ASXL2: variants seen among roughly 807,000 people sequenced by gnomAD.
ASXL2 encodes the protein ASXL transcriptional regulator 2.
Under a neutral mutation model 122.0 loss-of-function variants are expected in ASXL2, and 23 were observed. That is an observed-to-expected ratio of 0.19 (90% CI 0.14 to 0.27). ASXL2 has a LOEUF of 0.27. Ranked by LOEUF, ASXL2 falls within the 10% of genes least tolerant of loss-of-function variation. The pLI is 1.00. For synonymous variants in ASXL2, 650 were observed against 637.0 expected (o/e 1.02, Z -0.31); for missense variants, 1,518 against 1,713.8 (o/e 0.89, Z 2.02).
intron 3 of ASXL2, among the ~76,000 whole-genome samples, chr2:25,811,329 A>T (rs1329761257): frequency 2.0e-5 from 3 of 151,968 alleles, no homozygotes; most frequent in Non-Finnish European, 2.9e-5. Flanking sequence ...TTTCCACAAA[A>T]GAGAAAAACC....
At chr2:25,766,531 C>G (rs1046609365) in intron 8 of ASXL2, among the ~76,000 whole-genome samples, 3 of 152,190 alleles carry the variant, frequency 2.0e-5, no homozygotes, top group African/African-American at 4.8e-5. Context: ...AAGATGATCT[C>G]TGCTTATCTG....
intron 2 of ASXL2, among the ~76,000 whole-genome samples, chr2:25,844,513 T>G (rs2089626812): frequency 2.0e-5 from 3 of 151,378 alleles, no homozygotes; most frequent in East Asian, 1.9e-4. Context: ...GGAGGCAGAG[T>G]TGCAGTGAGC....
chr2:25,875,476 A>C (rs1002789782), intron 1 of ASXL2, among the ~76,000 whole-genome samples: 12 of 151,976 alleles, frequency 7.9e-5, no homozygotes, highest in African/African-American at 2.4e-5. Flanking sequence ...AACGATTCTA[A>C]ATAAATAAAT....
chr2:25,742,017 T>C lies in ASXL2; in HGVS notation c.*12A>G. 3 of 1,604,990 alleles carry C rather than the reference T, an allele frequency of 1.9e-6. No homozygotes were observed. Among genetic ancestry groups the C allele is most frequent in the Non-Finnish European group, 2.6e-6 (3 of 1,174,352 alleles). ...TTCCCCCTCCTTTACAGTGTATCTC[T>C]TTCTAGTCTCATTACCGAACGACAA... On this transcript the variant is annotated 3_prime_UTR_variant, in exon 13 of 13. Transcript: ENST00000435504.
Position 25,739,809 on chromosome 2 carries a change from A to G in ASXL2, c.*2220T>C. 4.5e-6 allele frequency: 1 copy of G among 222,872 alleles called. No individual in the cohort carries two copies. The highest frequency in any genetic ancestry group is 2.2e-5 in the African/African-American group (1 of 44,848). The allele number at this position is 222,872 out of a possible 1,614,324, so 13.8% of individuals were successfully genotyped here. On this transcript the variant is annotated 3_prime_UTR_variant, in exon 13 of 13. Transcript: ENST00000435504. The stretch of plus-strand genomic sequence containing the variant: ...AAGGTAAAGCAGAAAAATCACTTTC[A>G]TCAATCCAAACTGGTAACTGACATT...
At chr2:25,827,573 GAAAT>G (rs1340779330) in intron 3 of ASXL2, among the ~76,000 whole-genome samples, 1 of 152,094 alleles carries the variant, frequency 6.6e-6, no homozygotes, top group Non-Finnish European at 1.5e-5. Context: ...TTTTTAAAAA[GAAAT>G]AATATAAATG....
At chr2:25,787,914 A>G (rs1278404768) in intron 5 of ASXL2, among the ~76,000 whole-genome samples, 2 of 152,194 alleles carry the variant, frequency 1.3e-5, no homozygotes, top group South Asian at 4.1e-4. Context: ...TCAGTCAGAA[A>G]AGCCAAGAAA....
intron 1 of ASXL2, among the ~76,000 whole-genome samples, chr2:25,858,938 C>T (rs920158154): frequency 5.3e-5 from 8 of 151,036 alleles, no homozygotes; most frequent in Non-Finnish European, 1.2e-4. Flanking sequence ...CTCAGCCTCC[C>T]GAGTAGCTGG....
chr2:25,878,386 C>CG lies in ASXL2; in HGVS notation c.-165dup, dbSNP rs537822959. 1.4e-3 allele frequency: 818 copies of CG among 602,734 alleles called. 11 individuals are homozygous for CG. Among genetic ancestry groups the CG allele is most frequent in the African/African-American group, 7.9e-3 (420 of 52,942 alleles). The allele number at this position is 602,734 out of a possible 1,614,324, so 37.3% of individuals were successfully genotyped here. On this transcript the variant is annotated 5_prime_UTR_variant, in exon 1 of 13. An upstream open reading frame in the 5' UTR loses its in-frame stop. Coordinates refer to ENST00000435504, the MANE Select transcript of ASXL2 (RefSeq NM_018263.6). ...CAGAGGAAGCGGCGGGGGTGGTGCG[C>CG]GGGGGGGTCTATGGGGCGGCCGGTC...
chr2:25,816,882 T>C lies in ASXL2; in HGVS notation c.144-10545A>G, dbSNP rs183895690. Among the ~76,000 whole-genome samples, 62 of 152,308 alleles carry C rather than the reference T, an allele frequency of 4.1e-4. No individual in the cohort carries two copies. The East Asian group carries it at 0.011, about 27-fold the overall frequency. On this transcript the variant is annotated intron_variant, in intron 3 of 12. Coordinates refer to ENST00000435504, the MANE Select transcript of ASXL2 (RefSeq NM_018263.6). ...GCTCACGCCTGTAATCCCAACACTT[T>C]GGGAGGCCGAGGTTGGCGGATCACC...
chr2:25,869,912 T>TA (rs35244304), intron 1 of ASXL2, among the ~76,000 whole-genome samples: 39,241 of 137,708 alleles, frequency 0.28, 5,409 homozygotes, highest in African/African-American at 0.32. Context: ...AATGAAATAC[T>TA]AAAAAAAAAA....
intron 5 of ASXL2, among the ~76,000 whole-genome samples, chr2:25,777,972 G>A (rs531112177): frequency 3.9e-5 from 6 of 152,134 alleles, no homozygotes; most frequent in South Asian, 2.1e-4. Context: ...CTTCATCTGC[G>A]TATTATGATG....
intron 6 of ASXL2, among the ~76,000 whole-genome samples, chr2:25,770,944 A>G (rs143930643): frequency 7.9e-5 from 12 of 151,468 alleles, no homozygotes; most frequent in African/African-American, 2.9e-4. Context: ...TGTGATAAAA[A>G]GAGTATCTAC....
chr2:25,829,127 C>A (rs2089417461), intron 3 of ASXL2, among the ~76,000 whole-genome samples: 1 of 152,064 alleles, frequency 6.6e-6, no homozygotes, highest in Non-Finnish European at 1.5e-5. Context: ...CCAGATGTGG[C>A]AGTGTACACC....
rs1385684555 is a variant in ASXL2 at position 25,733,848 on chromosome 2, T to C, written c.*8181A>G. ...ACATACATTCAACTTCGAAGAAGGTTGTTTTTATACGACCAATGAAACAGC... is the reference window on the plus strand; with the variant it reads ...ACATACATTCAACTTCGAAGAAGGTCGTTTTTATACGACCAATGAAACAGC... On this transcript the variant is annotated 3_prime_UTR_variant, in exon 13 of 13. Transcript: ENST00000435504. The C allele has an allele frequency of 2.6e-5, 4 of 152,236 alleles. No homozygotes were observed. Among genetic ancestry groups the C allele is most frequent in the Non-Finnish European group, 5.9e-5 (4 of 68,042 alleles). 9.4% of individuals were successfully genotyped at this position (152,236 alleles called of 1,614,324 possible).
rs1263144094 is a variant in ASXL2, at chr2:25,750,513, C to A, written c.1143-100G>T. 9.8e-6 allele frequency: 10 copies of A among 1,022,328 alleles called. No individual in the cohort carries two copies. In the Admixed American group the frequency reaches 2.4e-4, roughly 25 times the overall value. The allele number at this position is 1,022,328 out of a possible 1,614,324, so 63.3% of individuals were successfully genotyped here. A position where few individuals can be genotyped will look rare whatever the true frequency, so the allele number is the denominator to read the frequency against. ...TGGAAGATGACAATGCCTAGGAGAA[C>A]CCCTGACACAGCAGGTATTCATGTA... On this transcript the variant is annotated intron_variant, in intron 11 of 12. Transcript: ENST00000435504.
At chr2:25,815,204 A>T (rs2089218616) in intron 3 of ASXL2, among the ~76,000 whole-genome samples, 1 of 152,176 alleles carries the variant, frequency 6.6e-6, no homozygotes, top group African/African-American at 2.4e-5. Context: ...AAATTCATCC[A>T]TATCATAATG....
At chr2:25,788,375 C>T (rs943427133) in intron 5 of ASXL2, among the ~76,000 whole-genome samples, 1 of 152,164 alleles carries the variant, frequency 6.6e-6, no homozygotes, top group African/African-American at 2.4e-5. Context: ...TTTATCCTAT[C>T]TTTGATGAAC....
rs1463970327 is a variant in ASXL2, at chr2:25,845,472, A to G, written c.140+9T>C. On this transcript the variant is annotated intron_variant, in intron 2 of 12. Coordinates refer to ENST00000435504, the MANE Select transcript of ASXL2 (RefSeq NM_018263.6). ...TATAATTATTACTAAAAATATTTAA[A>G]TAACTCACCTGATTTCTTTTAGTCC... 3 of 1,432,060 alleles carry G rather than the reference A, an allele frequency of 2.1e-6. No homozygotes were observed. Among genetic ancestry groups the G allele is most frequent in the Non-Finnish European group, 2.8e-6 (3 of 1,069,932 alleles). The allele number at this position is 1,432,060 out of a possible 1,614,324, so 88.7% of individuals were successfully genotyped here.
Sources: gnomAD v4.1 joint callset for allele counts (sites outside exome capture counted in the v4.1 genomes callset) on GRCh38, gnomAD v4.1.1 for gene constraint, MANE v1.5 for transcripts, NCBI Gene and HGNC (gene_info 2026-07-23, HGNC 2026-07-21) for gene names.